The following NCEH1 variants were observed in gnomAD, a reference collection of about 807,000 sequenced individuals.
NCEH1 encodes neutral cholesterol ester hydrolase 1, also known as 2-acetyl MAGE hydrolase.
In NCEH1, 9 loss-of-function variants were observed where a neutral mutation model predicts 25.4. That is an observed-to-expected ratio of 0.35 (90% CI 0.21 to 0.62). The LOEUF is 0.62. NCEH1 is among the 20% of genes least tolerant of loss of function. The pLI is 0.72. For synonymous variants in NCEH1, 200 were observed against 199.8 expected (o/e 1.00, Z -0.01); for missense variants, 412 against 501.1 (o/e 0.82, Z 1.70).
At chr3:172,656,459 T>C (rs1390889297) in intron 1 of NCEH1, among the ~76,000 whole-genome samples, 1 of 152,172 alleles carries the variant, frequency 6.6e-6, no homozygotes, top group Admixed American at 6.5e-5. Context: ...GTTCTGTCTT[T>C]GTCCTAAAGA....
chr3:172,710,828 G>A lies in NCEH1; in HGVS notation c.138+19C>T. 2 of 1,613,418 alleles carry A rather than the reference G, an allele frequency of 1.2e-6. No homozygotes were observed. Among genetic ancestry groups the A allele is most frequent in the Non-Finnish European group, 1.7e-6 (2 of 1,179,672 alleles). On this transcript the variant is annotated intron_variant, in intron 1 of 4. Coordinates refer to ENST00000475381, the MANE Select transcript of NCEH1 (RefSeq NM_020792.6). The stretch of plus-strand genomic sequence containing the variant: ...GCGTAAGAGGAGGAAGAGAGAAGCA[G>A]CGCTGGGCTGCACCTCACCACTTGC...
intron 1 of NCEH1, among the ~76,000 whole-genome samples, chr3:172,674,399 C>T (rs930722782): frequency 3.4e-5 from 5 of 148,316 alleles, no homozygotes; most frequent in Admixed American, 2.7e-4. Context: ...GTGGAGATCG[C>T]GCCACTGCAC....
chr3:172,692,144 T>G (rs1049926615), intron 1 of NCEH1, among the ~76,000 whole-genome samples: 26 of 152,136 alleles, frequency 1.7e-4, no homozygotes, highest in African/African-American at 6.0e-4. Context: ...CTGCAGTGTT[T>G]GTTTCAAACT....
At chr3:172,690,657 A>C (rs1337007001) in intron 1 of NCEH1, among the ~76,000 whole-genome samples, 1 of 152,220 alleles carries the variant, frequency 6.6e-6, no homozygotes, top group Non-Finnish European at 1.5e-5. Flanking sequence ...TAAACAGTCT[A>C]AATTTTTGGT....
intron 1 of NCEH1, among the ~76,000 whole-genome samples, chr3:172,709,016 C>T (rs1247447404): frequency 6.6e-6 from 1 of 152,196 alleles, no homozygotes; most frequent in African/African-American, 2.4e-5. Flanking sequence ...CATTTTTCTG[C>T]AAATCCACTC....
intron 1 of NCEH1, among the ~76,000 whole-genome samples, chr3:172,681,733 T>C (rs941226880): frequency 5.0e-5 from 2 of 40,364 alleles, no homozygotes; most frequent in African/African-American, 2.9e-4. Context: ...CTAGTAAAAA[T>C]ACCAAAAAAA....
At chr3:172,638,387 T>C (rs1716698386) in intron 3 of NCEH1, among the ~76,000 whole-genome samples, 1 of 151,422 alleles carries the variant, frequency 6.6e-6, no homozygotes. Flanking sequence ...CAATTAATCA[T>C]GCAAAATGCT....
At chr3:172,652,100 C>T (rs1163618216) in intron 1 of NCEH1, among the ~76,000 whole-genome samples, 1 of 152,150 alleles carries the variant, frequency 6.6e-6, no homozygotes, top group African/African-American at 2.4e-5. Context: ...CATACCCAGA[C>T]AGAACCCTGG....
At chr3:172,635,773 A>G (rs1185502476) in intron 4 of NCEH1, 143 bp downstream of exon 4, 1 of 671,210 alleles carries the variant, frequency 1.5e-6, no homozygotes, top group Admixed American at 2.4e-5. Flanking sequence ...GAGCTCTACA[A>G]GTGTAATCAC....
At chr3:172,706,264 C>T (rs2108230346) in intron 1 of NCEH1, among the ~76,000 whole-genome samples, 1 of 152,028 alleles carries the variant, frequency 6.6e-6, no homozygotes, top group South Asian at 2.1e-4. Context: ...CTTTATGGCC[C>T]AGAAGAAAAA....
At chr3:172,679,000 C>G (rs904924918) in intron 1 of NCEH1, among the ~76,000 whole-genome samples, 1 of 152,184 alleles carries the variant, frequency 6.6e-6, no homozygotes, top group Admixed American at 6.5e-5. Flanking sequence ...TCATTTATAA[C>G]CTGACGCATC....
intron 1 of NCEH1, among the ~76,000 whole-genome samples, chr3:172,693,466 A>G (rs140581635): frequency 1.6e-4 from 25 of 152,086 alleles, no homozygotes; most frequent in African/African-American, 5.8e-4. Context: ...TATGAAAAAA[A>G]AAAAAAATGG....
intron 1 of NCEH1, among the ~76,000 whole-genome samples, chr3:172,706,010 CAAAAAAAAAA>C (rs35383888): frequency 9.6e-6 from 1 of 103,970 alleles, no homozygotes; most frequent in Non-Finnish European, 1.8e-5. Context: ...CAACAACAAC[CAAAAAAAAAA>C]AAAAAAAAAA....
intron 1 of NCEH1, among the ~76,000 whole-genome samples, chr3:172,662,064 C>T (rs1230665998): frequency 6.6e-6 from 1 of 152,102 alleles, no homozygotes; most frequent in Non-Finnish European, 1.5e-5. Flanking sequence ...AAAGGGAAAG[C>T]TTCCAGTTTT....
intron 1 of NCEH1, among the ~76,000 whole-genome samples, chr3:172,685,397 C>CAATA (rs1056307573): frequency 1.3e-5 from 2 of 152,190 alleles, no homozygotes; most frequent in African/African-American, 4.8e-5. Flanking sequence ...CATCTTTCTT[C>CAATA]AATAAATCCC....
At position 172,645,706 on chromosome 3, in the gene NCEH1, A is replaced by T. The variant is rs750610435; in HGVS notation, c.368-14T>A. On this transcript the variant is annotated splice_polypyrimidine_tract_variant and intron_variant, in intron 2 of 4. Coordinates refer to ENST00000475381, the MANE Select transcript of NCEH1 (RefSeq NM_020792.6). ...AATACCTGATTTCTAAAAGACACAAAGGGAACAATCATTACAAAACAGGTC... is the reference window on the plus strand; with the variant it reads ...AATACCTGATTTCTAAAAGACACAATGGGAACAATCATTACAAAACAGGTC... 1 of 1,553,926 alleles carries T rather than the reference A, an allele frequency of 6.4e-7. No individual in the cohort carries two copies. Among genetic ancestry groups the T allele is most frequent in the Non-Finnish European group, 8.8e-7 (1 of 1,136,680 alleles).
At chr3:172,662,733 ATT>A (rs1190555751) in intron 1 of NCEH1, among the ~76,000 whole-genome samples, 1 of 151,928 alleles carries the variant, frequency 6.6e-6, no homozygotes, top group Non-Finnish European at 1.5e-5. Flanking sequence ...TTTCTTCTAG[ATT>A]TTCTAGTTTA....
chr3:172,709,096 C>G (rs1410349694), intron 1 of NCEH1, among the ~76,000 whole-genome samples: 1 of 152,230 alleles, frequency 6.6e-6, no homozygotes, highest in African/African-American at 2.4e-5. Flanking sequence ...CACCCACTAT[C>G]ATTCCCAAGC....
intron 1 of NCEH1, among the ~76,000 whole-genome samples, chr3:172,656,076 G>A (rs1717677168): frequency 6.6e-6 from 1 of 152,164 alleles, no homozygotes; most frequent in African/African-American, 2.4e-5. Context: ...GGGTTCACTG[G>A]TGAACCTATT....
Sources: gnomAD v4.1 joint callset for allele counts (sites outside exome capture counted in the v4.1 genomes callset) on GRCh38, gnomAD v4.1.1 for gene constraint, MANE v1.5 for transcripts, NCBI Gene and HGNC (gene_info 2026-07-23, HGNC 2026-07-21) for gene names.